The following MEGF11 variants were observed in gnomAD, a reference collection of about 807,000 sequenced individuals.
The protein encoded by MEGF11 is multiple EGF like domains 11.
A neutral mutation model predicts 146.6 loss-of-function variants in MEGF11; 126 were observed. The ratio of observed to expected loss-of-function variants is 0.86; its 90% CI spans 0.74 to 1.00. The LOEUF is 1.00. Ranked by LOEUF, MEGF11 falls within the 50% of genes least tolerant of loss-of-function variation. The pLI is 0.00. For synonymous variants in MEGF11, 532 were observed against 583.4 expected (o/e 0.91, Z 1.27); for missense variants, 1,509 against 1,521.2 (o/e 0.99, Z 0.13).
rs113432978 is a variant in MEGF11 at position 66,012,525 on chromosome 15, C to T, written c.395-30037G>A. Among the ~76,000 whole-genome samples the T allele has an allele frequency of 7.3e-3, 1,117 of 152,334 alleles. 11 individuals carry two copies. The highest frequency in any genetic ancestry group is 9.9e-3 in the Non-Finnish European group (671 of 68,030). On this transcript the variant is annotated intron_variant, in intron 5 of 25. Transcript: ENST00000395614. ...CCTCCTTTGCTTAATTTGTGTCAAT[C>T]GATTTCCTATTTTTAATTAATAATT...
At chr15:65,990,175 C>T (rs749300842) in intron 5 of MEGF11, among the ~76,000 whole-genome samples, 1 of 151,854 alleles carries the variant, frequency 6.6e-6, no homozygotes, top group Non-Finnish European at 1.5e-5. Context: ...TGTACCACTG[C>T]TCTCCAGCTG....
intron 9 of MEGF11, 39 bp from the exon 10 acceptor site, chr15:65,957,760 TG>T (rs2080710487): frequency 6.2e-7 from 1 of 1,605,210 alleles, no homozygotes; most frequent in Non-Finnish European, 8.5e-7. Context: ...CAGCTTGTTC[TG>T]GGAAGCAGCC....
chr15:65,980,556 G>A (rs995668511), intron 7 of MEGF11, among the ~76,000 whole-genome samples: 1 of 152,054 alleles, frequency 6.6e-6, no homozygotes, highest in South Asian at 2.1e-4. Flanking sequence ...ATGACACAAC[G>A]CCTGGCTAAT....
intron 11 of MEGF11, among the ~76,000 whole-genome samples, chr15:65,930,503 G>C (rs1192008823): frequency 6.6e-6 from 1 of 152,130 alleles, no homozygotes; most frequent in Non-Finnish European, 1.5e-5. Flanking sequence ...CCCAGGCTCT[G>C]GGAACGCTTT....
intron 5 of MEGF11, among the ~76,000 whole-genome samples, chr15:66,034,838 C>T (rs114409529): frequency 6.8e-6 from 1 of 146,342 alleles, no homozygotes; most frequent in African/African-American, 2.8e-5. Context: ...TTAATGAGGG[C>T]TCTGCCCTCA....
intron 20 of MEGF11, among the ~76,000 whole-genome samples, chr15:65,913,183 T>C (rs181128922): frequency 8.2e-4 from 125 of 152,294 alleles, no homozygotes; most frequent in African/African-American, 2.9e-3. Context: ...ACCACATTCA[T>C]GGATGCACTG....
At chr15:66,216,557 C>T (rs55922529) in intron 1 of MEGF11, among the ~76,000 whole-genome samples, 1 of 152,014 alleles carries the variant, frequency 6.6e-6, no homozygotes, top group Non-Finnish European at 1.5e-5. Context: ...GAGCAACCCA[C>T]CCCAACCTCC....
chr15:65,934,796 A>T (rs2079707900), intron 10 of MEGF11, among the ~76,000 whole-genome samples: 1 of 152,214 alleles, frequency 6.6e-6, no homozygotes, highest in African/African-American at 2.4e-5. Context: ...GCTTCTGGAG[A>T]TAGCTGAACA....
At chr15:66,135,838 C>G (rs181272022) in intron 1 of MEGF11, among the ~76,000 whole-genome samples, 4 of 152,208 alleles carry the variant, frequency 2.6e-5, no homozygotes, top group Non-Finnish European at 5.9e-5. Flanking sequence ...CCTCTGCCTC[C>G]TAAGTCACTA....
intron 5 of MEGF11, among the ~76,000 whole-genome samples, chr15:66,062,677 A>T (rs1050138845): frequency 6.6e-6 from 1 of 152,222 alleles, no homozygotes; most frequent in Non-Finnish European, 1.5e-5. Context: ...TGAGATAATA[A>T]ATGTGGGTAT....
intron 5 of MEGF11, among the ~76,000 whole-genome samples, chr15:66,040,969 C>G (rs1312946944): frequency 6.6e-6 from 1 of 151,454 alleles, no homozygotes; most frequent in Admixed American, 6.6e-5. Flanking sequence ...CTGACAATAG[C>G]CCTGCCCGAG....
chr15:66,179,763 C>A (rs2090492280), intron 1 of MEGF11, among the ~76,000 whole-genome samples: 1 of 152,068 alleles, frequency 6.6e-6, no homozygotes, highest in Non-Finnish European at 1.5e-5. Context: ...AATCTATGAA[C>A]TCCTTGAAGA....
Position 65,980,901 on chromosome 15 carries a change from G to C in MEGF11, c.642-3C>G. The C allele has an allele frequency of 5.1e-6, 8 of 1,571,746 alleles. No homozygotes were observed. The highest frequency in any genetic ancestry group is 6.9e-6 in the Non-Finnish European group (8 of 1,159,988). On this transcript the variant is annotated splice_polypyrimidine_tract_variant and splice_region_variant and intron_variant, in intron 6 of 25. Transcript: ENST00000395614. ...CAGGAGGGCACAGCTCCTCGCAGCT[G>C]CATGGAGAAGCAGAGGTGTTAGACA...
intron 5 of MEGF11, among the ~76,000 whole-genome samples, chr15:66,028,659 G>C (rs2083417257): frequency 1.3e-5 from 2 of 152,166 alleles, no homozygotes; most frequent in South Asian, 4.1e-4. Flanking sequence ...TCAAACAATA[G>C]GGGAATTGTT....
In MEGF11 at chr15:65,957,463, G is replaced by A. The variant is rs2080694983; in HGVS notation, c.1287+84C>T. 3 of 1,340,432 alleles carry A rather than the reference G, an allele frequency of 2.2e-6. No individual in the cohort carries two copies. In the East Asian group the frequency reaches 7.4e-5, roughly 33 times the overall value. 83.0% of individuals were successfully genotyped at this position (1,340,432 alleles called of 1,614,324 possible). On this transcript the variant is annotated intron_variant, in intron 10 of 25. Coordinates refer to ENST00000395614, the MANE Select transcript of MEGF11 (RefSeq NM_001385028.1). The stretch of plus-strand genomic sequence containing the variant: ...ACACAAGGAGGCAGCTGGGTGCAGG[G>A]CCACAGTCCTGATTGCACCAGGAGG...
intron 5 of MEGF11, among the ~76,000 whole-genome samples, chr15:66,048,238 G>A (rs568685060): frequency 3.3e-4 from 51 of 152,320 alleles, no homozygotes; most frequent in African/African-American, 6.7e-4. Flanking sequence ...GAGGCACCGC[G>A]CCCAGCCAGG....
chr15:66,111,762 T>C (rs539909143), intron 4 of MEGF11, among the ~76,000 whole-genome samples: 1 of 152,358 alleles, frequency 6.6e-6, no homozygotes, highest in South Asian at 2.1e-4. Flanking sequence ...AGGCAGTGAC[T>C]GCTGAATGGG....
intron 5 of MEGF11, among the ~76,000 whole-genome samples, chr15:66,004,691 G>A (rs1324139790): frequency 6.6e-6 from 1 of 152,056 alleles, no homozygotes; most frequent in Non-Finnish European, 1.5e-5. Context: ...CACTGCAAAA[G>A]GTATTCAAGC....
intron 8 of MEGF11, chr15:65,967,253 C>T (rs1427044037): frequency 2.0e-5 from 3 of 152,150 alleles, no homozygotes; most frequent in African/African-American, 7.2e-5. Context: ...ATATTGTTTT[C>T]AACAGTTCTT....
Sources: gnomAD v4.1 joint callset for allele counts (sites outside exome capture counted in the v4.1 genomes callset) on GRCh38, gnomAD v4.1.1 for gene constraint, MANE v1.5 for transcripts, NCBI Gene and HGNC (gene_info 2026-07-23, HGNC 2026-07-21) for gene names.